Variants in GPHN observed in about 807,000 individuals in gnomAD.
The protein encoded by GPHN is gephyrin.
GPHN carries 17 observed loss-of-function variants against 95.5 expected under a neutral mutation model. The ratio of observed to expected loss-of-function variants is 0.18; its 90% CI spans 0.12 to 0.27. The LOEUF is 0.27. Among genes scored for constraint, GPHN ranks in the 10% least tolerant of loss-of-function variants. The pLI is 1.00. For synonymous variants in GPHN, 320 were observed against 322.5 expected (o/e 0.99, Z 0.08); for missense variants, 660 against 978.1 (o/e 0.67, Z 4.34).
At chr14:66,939,583 C>T (rs1397120580) in intron 8 of GPHN, among the ~76,000 whole-genome samples, 1 of 152,132 alleles carries the variant, frequency 6.6e-6, no homozygotes, top group Non-Finnish European at 1.5e-5. Context: ...CCCCAGGCTC[C>T]TCCCCTCTGC....
At chr14:67,187,844 A>C in the GPHN span, among the ~76,000 whole-genome samples, 1 of 152,138 alleles carries the variant, frequency 6.6e-6, no homozygotes, top group Non-Finnish European at 1.5e-5. Flanking sequence ...AATTGGACTA[A>C]GTACCCTTCA....
chr14:66,683,658 A>G (rs899678799), intron 2 of GPHN, among the ~76,000 whole-genome samples: 6 of 149,062 alleles, frequency 4.0e-5, no homozygotes, highest in East Asian at 2.0e-4. Flanking sequence ...TAGGAAGTAT[A>G]TCAGAAATTT....
At chr14:67,075,677 A>G (rs1298730996) in intron 11 of GPHN, among the ~76,000 whole-genome samples, 2 of 152,134 alleles carry the variant, frequency 1.3e-5, no homozygotes, top group African/African-American at 4.8e-5. Context: ...GTTGATTCCA[A>G]CCTTCATGGA....
At chr14:67,025,883 C>T (rs1452609446) in intron 10 of GPHN, among the ~76,000 whole-genome samples, 1 of 152,176 alleles carries the variant, frequency 6.6e-6, no homozygotes, top group Non-Finnish European at 1.5e-5. Context: ...GCTCTCACAA[C>T]CCCTTGCCTT....
chr14:66,617,283 A>G (rs72726409), intron 1 of GPHN, among the ~76,000 whole-genome samples: 22 of 152,338 alleles, frequency 1.4e-4, no homozygotes, highest in Non-Finnish European at 2.8e-4. Context: ...AGCAGATTCC[A>G]GCTGAAAGGC....
At chr14:67,603,180 C>G in the GPHN span, among the ~76,000 whole-genome samples, 1 of 152,140 alleles carries the variant, frequency 6.6e-6, no homozygotes, top group Non-Finnish European at 1.5e-5. Context: ...AGAGATCCTC[C>G]CACCTCAGCC....
chr14:66,938,372 C>G (rs2067236318), intron 8 of GPHN, among the ~76,000 whole-genome samples: 1 of 152,030 alleles, frequency 6.6e-6, no homozygotes, highest in Non-Finnish European at 1.5e-5. Flanking sequence ...CCTCATGTAT[C>G]CAGAAAATAG....
chr14:67,279,583 A>G, the GPHN span: 2 of 1,481,540 alleles, frequency 1.3e-6, no homozygotes, highest in Non-Finnish European at 1.8e-6. Context: ...GCTTTAATTT[A>G]TCTGTGCCTT....
At chr14:67,655,468 T>C in the GPHN span, among the ~76,000 whole-genome samples, 1 of 152,226 alleles carries the variant, frequency 6.6e-6, no homozygotes, top group African/African-American at 2.4e-5. Flanking sequence ...ATTTGTTTTC[T>C]TTCCACAATG....
At chr14:67,497,225 C>T in the GPHN span, among the ~76,000 whole-genome samples, 11 of 152,038 alleles carry the variant, frequency 7.2e-5, no homozygotes, top group Non-Finnish European at 1.0e-4. Flanking sequence ...TCTGGGGTCA[C>T]GGGAGGGCAG....
the GPHN span, among the ~76,000 whole-genome samples, chr14:67,214,086 T>C: frequency 2.0e-5 from 3 of 152,236 alleles, no homozygotes; most frequent in Non-Finnish European, 2.9e-5. Context: ...GATGAGTAGG[T>C]TGCGAAAATG....
At chr14:67,040,117 C>T (rs1242614572) in intron 10 of GPHN, among the ~76,000 whole-genome samples, 4 of 152,082 alleles carry the variant, frequency 2.6e-5, no homozygotes, top group African/African-American at 9.7e-5. Flanking sequence ...CAAAAATAGA[C>T]ATACGTGCAT....
chr14:67,492,854 C>T, the GPHN span, among the ~76,000 whole-genome samples: 1 of 152,210 alleles, frequency 6.6e-6, no homozygotes, highest in Admixed American at 6.5e-5. Flanking sequence ...GTGAACAAGA[C>T]AATGTTCCTG....
intron 2 of GPHN, among the ~76,000 whole-genome samples, chr14:66,684,159 T>C (rs1347282266): frequency 6.6e-6 from 1 of 152,162 alleles, no homozygotes; most frequent in Non-Finnish European, 1.5e-5. Flanking sequence ...ATTTTTATTA[T>C]GACTCACCCA....
At chr14:67,197,727 A>G in the GPHN span, among the ~76,000 whole-genome samples, 1 of 152,192 alleles carries the variant, frequency 6.6e-6, no homozygotes, top group Non-Finnish European at 1.5e-5. Flanking sequence ...CATGATGAAG[A>G]GGGTACCATC....
intron 2 of GPHN, among the ~76,000 whole-genome samples, chr14:66,741,135 T>A (rs2072755566): frequency 6.6e-6 from 1 of 152,142 alleles, no homozygotes; most frequent in South Asian, 2.1e-4. Context: ...AGGTCCCAGC[T>A]CCCAACATTA....
At chr14:67,302,772 A>G in the GPHN span, among the ~76,000 whole-genome samples, 1 of 152,176 alleles carries the variant, frequency 6.6e-6, no homozygotes, top group African/African-American at 2.4e-5. Flanking sequence ...TTTCTGATGT[A>G]TCACTATCAC....
chr14:67,411,996 C>G, the GPHN span: 2 of 1,538,360 alleles, frequency 1.3e-6, no homozygotes, highest in South Asian at 1.2e-5. Context: ...GGGCAATGTC[C>G]CGAAGCTCGA....
the GPHN span, among the ~76,000 whole-genome samples, chr14:67,432,600 A>G: frequency 6.6e-6 from 1 of 152,238 alleles, no homozygotes; most frequent in Non-Finnish European, 1.5e-5. Context: ...GACTATGTGA[A>G]GAGCCTGGTG....
Sources: gnomAD v4.1 joint callset for allele counts (sites outside exome capture counted in the v4.1 genomes callset) on GRCh38, gnomAD v4.1.1 for gene constraint, MANE v1.5 for transcripts, NCBI Gene and HGNC (gene_info 2026-07-23, HGNC 2026-07-21) for gene names.